KCNQ3: variants seen among roughly 807,000 people sequenced by gnomAD.
KCNQ3 encodes potassium voltage-gated channel subfamily KQT member 3.
Under a neutral mutation model 92.5 loss-of-function variants are expected in KCNQ3, and 30 were observed. The observed-to-expected ratio is 0.32, with a 90% confidence interval of 0.24 to 0.44. The LOEUF (loss-of-function observed/expected upper bound fraction) is 0.44, where lower values mean the gene tolerates loss of function less well. KCNQ3 is among the 20% of genes least tolerant of loss of function. The pLI, the probability that KCNQ3 is intolerant of heterozygous loss-of-function variation, is 1.00. For missense variants in KCNQ3, 913 were observed against 1,140.3 expected (o/e 0.80, Z 2.87); for synonymous variants, 450 against 468.8 (o/e 0.96, Z 0.52).
At chr8:132,410,695 G>T (rs2130796830) in intron 1 of KCNQ3, among the ~76,000 whole-genome samples, 1 of 152,338 alleles carries the variant, frequency 6.6e-6, no homozygotes, top group Non-Finnish European at 1.5e-5. Context: ...CAGCTCTGCA[G>T]AAACTAACAG....
chr8:132,306,335 C>A (rs530028538), intron 1 of KCNQ3, among the ~76,000 whole-genome samples: 2 of 152,326 alleles, frequency 1.3e-5, no homozygotes, highest in South Asian at 4.1e-4. Context: ...CCCTCAGGAA[C>A]TAACGTATCT....
intron 9 of KCNQ3, among the ~76,000 whole-genome samples, chr8:132,162,329 T>C (rs914852306): frequency 2.0e-5 from 3 of 152,222 alleles, no homozygotes; most frequent in African/African-American, 4.8e-5. Flanking sequence ...GCACGATTTA[T>C]AAACCTGTTG....
intron 1 of KCNQ3, among the ~76,000 whole-genome samples, chr8:132,443,859 C>T (rs997028747): frequency 2.6e-5 from 4 of 152,116 alleles, no homozygotes; most frequent in African/African-American, 9.7e-5. Flanking sequence ...CTCTTTACCC[C>T]CCCATTTGTC....
chr8:132,395,836 C>T (rs990070122), intron 1 of KCNQ3, among the ~76,000 whole-genome samples: 3 of 152,186 alleles, frequency 2.0e-5, no homozygotes, highest in African/African-American at 4.8e-5. Context: ...AGGGGAATGT[C>T]GCATCTCAGC....
In KCNQ3 at chr8:132,200,498, TGTTAC is replaced by T. The variant is rs199995278; in HGVS notation, c.387-14322_387-14318del. ...ATTCACTCAGCACCACCTGAGGACATGTTACGTGTCTAATATTGTACAGAAAAAAA... is the reference window on the plus strand; with the variant it reads ...ATTCACTCAGCACCACCTGAGGACATGTGTCTAATATTGTACAGAAAAAAA... On this transcript the variant is annotated intron_variant, in intron 1 of 14. Transcript: ENST00000388996. Among the ~76,000 whole-genome samples, 793 of 152,280 alleles carry T rather than the reference TGTTAC, an allele frequency of 5.2e-3. 15 individuals are homozygous for T. The highest frequency in any genetic ancestry group is 0.031 in the Admixed American group (472 of 15,294).
At chr8:132,175,254 G>A (rs1032438837) in intron 5 of KCNQ3, among the ~76,000 whole-genome samples, 199 bp downstream of exon 5, 7 of 152,202 alleles carry the variant, frequency 4.6e-5, no homozygotes, top group Non-Finnish European at 7.3e-5. Context: ...TCTTATAAAC[G>A]CTAGAGAAAA....
intron 1 of KCNQ3, among the ~76,000 whole-genome samples, chr8:132,439,664 T>C (rs1821484800): frequency 6.6e-6 from 1 of 152,082 alleles, no homozygotes; most frequent in African/African-American, 2.4e-5. Flanking sequence ...AGAGAGATTG[T>C]GCTGCTGGCT....
chr8:132,461,836 G>A (rs1348292208), intron 1 of KCNQ3, among the ~76,000 whole-genome samples: 1 of 152,194 alleles, frequency 6.6e-6, no homozygotes, highest in Admixed American at 6.5e-5. Context: ...TTAATGAGAT[G>A]TCTGTCCAAA....
At chr8:132,449,907 G>T (rs1196939571) in intron 1 of KCNQ3, among the ~76,000 whole-genome samples, 6 of 152,124 alleles carry the variant, frequency 3.9e-5, no homozygotes, top group Non-Finnish European at 2.9e-5. Context: ...TTCATGCCAG[G>T]CCATCACCCA....
chr8:132,387,847 T>C (rs576767532), intron 1 of KCNQ3, among the ~76,000 whole-genome samples: 3 of 151,834 alleles, frequency 2.0e-5, no homozygotes, highest in African/African-American at 7.3e-5. Flanking sequence ...CAAAAAAAAT[T>C]TTTTTAATTA....
At chr8:132,179,447 G>C (rs1159402313) in intron 4 of KCNQ3, among the ~76,000 whole-genome samples, 1 of 152,048 alleles carries the variant, frequency 6.6e-6, no homozygotes, top group Non-Finnish European at 1.5e-5. Flanking sequence ...CCTTGAGCGG[G>C]TACTTCCTCT....
rs761196042 is a variant in KCNQ3 at position 132,480,435 on chromosome 8, G to A, written c.98C>T (p.Ala33Val). The change falls in exon 1 of 15, where the codon GCG (alanine) becomes GTG (valine). Residue 33 changes from alanine to valine, a missense_variant. Ala to Val is a moderately conservative substitution (Grantham distance 64, BLOSUM62 0). This residue lies in a region of KCNQ3 where 183 missense variants were observed against 167.7 expected (regional missense o/e 1.09). Coordinates refer to ENST00000388996, the MANE Select transcript of KCNQ3 (RefSeq NM_004519.4). The stretch of plus-strand genomic sequence containing the variant: ...CCGCTCCTCGTCGCCGGCCGCCGCC[G>A]CGTCCCCTCCGGCTGGGTTAGCCGC... ...GGAANPAGGDAAAAGDEERKV... is the reference protein window; with the variant it reads ...GGAANPAGGDVAAAGDEERKV... 18 of 1,453,894 alleles carry A rather than the reference G, an allele frequency of 1.2e-5. No individual in the cohort carries two copies. The East Asian group carries it at 3.8e-4, about 30-fold the overall frequency. The allele number at this position is 1,453,894 out of a possible 1,614,324, so 90.1% of individuals were successfully genotyped here.
At chr8:132,276,889 T>C (rs17597858) in intron 1 of KCNQ3, among the ~76,000 whole-genome samples, 67,654 of 152,034 alleles carry the variant, frequency 0.44, 16,997 homozygotes, top group East Asian at 0.73. Context: ...TTCAGAGCAA[T>C]GCTGTGAGGC....
At chr8:132,362,084 C>A (rs6984395) in intron 1 of KCNQ3, among the ~76,000 whole-genome samples, 22,209 of 152,090 alleles carry the variant, frequency 0.15, 2,203 homozygotes, top group African/African-American at 0.27. Context: ...AAAACATGCA[C>A]GAGAGCTCCT....
At chr8:132,350,087 A>C (rs1818813524) in intron 1 of KCNQ3, among the ~76,000 whole-genome samples, 1 of 152,190 alleles carries the variant, frequency 6.6e-6, no homozygotes. Context: ...AATGATACTG[A>C]AGTGTAAGGT....
chr8:132,447,122 T>C, intron 1 of KCNQ3: 1 of 1,296,700 alleles, frequency 7.7e-7, no homozygotes. Flanking sequence ...TGTGGCTCTT[T>C]CCCTCTCCCC....
chr8:132,145,106 G>A (rs1388011280), intron 9 of KCNQ3, among the ~76,000 whole-genome samples: 1 of 152,176 alleles, frequency 6.6e-6, no homozygotes, highest in Non-Finnish European at 1.5e-5. Flanking sequence ...GGAGAAGCCA[G>A]GGATGCTGTT....
intron 1 of KCNQ3, among the ~76,000 whole-genome samples, chr8:132,385,450 C>T (rs989480682): frequency 6.6e-6 from 1 of 152,208 alleles, no homozygotes; most frequent in Non-Finnish European, 1.5e-5. Context: ...CCCAGTGCAG[C>T]AGTGTAGAGA....
chr8:132,171,869 G>A (rs1267722922), intron 7 of KCNQ3, among the ~76,000 whole-genome samples: 2 of 152,088 alleles, frequency 1.3e-5, no homozygotes, highest in Admixed American at 6.5e-5. Flanking sequence ...CAGTAAAAAA[G>A]CTGAGGCCAC....
Sources: gnomAD v4.1 joint callset for allele counts (sites outside exome capture counted in the v4.1 genomes callset) on GRCh38, gnomAD v4.1.1 for gene constraint, gnomAD v4.1.1 regional missense constraint, MANE v1.5 for transcripts, NCBI Gene and HGNC (gene_info 2026-07-23, HGNC 2026-07-21) for gene names.